Variants in NLRC3 observed in about 807,000 individuals in gnomAD.
The protein encoded by NLRC3 is NLR family CARD domain-containing protein 3.
A neutral mutation model predicts 91.6 loss-of-function variants in NLRC3; 87 were observed. The observed-to-expected ratio is 0.95, with a 90% CI of 0.80 to 1.14. NLRC3 has a LOEUF of 1.14. Ranked by LOEUF, NLRC3 falls within the 50% of genes most tolerant of loss-of-function variation. NLRC3 has a pLI of 0.00. For synonymous variants in NLRC3, 694 were observed against 625.3 expected (o/e 1.11, Z -1.64); for missense variants, 1,577 against 1,418.6 (o/e 1.11, Z -1.79).
At chr16:3,554,910 C>G (rs1348571914) in intron 8 of NLRC3, among the ~76,000 whole-genome samples, 5 of 152,132 alleles carry the variant, frequency 3.3e-5, no homozygotes, top group Non-Finnish European at 7.4e-5. Flanking sequence ...GTCTGTCCAT[C>G]CCGTGGAATA....
intron 15 of NLRC3, among the ~76,000 whole-genome samples, chr16:3,546,835 C>T (rs1011918356): frequency 1.3e-5 from 2 of 152,010 alleles, no homozygotes; most frequent in Admixed American, 1.3e-4. Context: ...AAAAGAGCTC[C>T]AGGAAAAGAG....
chr16:3,551,325 T>TATCCATCCACTCATCCATTC (rs2038986953), intron 10 of NLRC3, among the ~76,000 whole-genome samples: 1 of 128,790 alleles, frequency 7.8e-6, no homozygotes, highest in East Asian at 2.6e-4. Context: ...CTCATCCATT[T>TATCCATCCACTCATCCATTC]ATCCATCCAC....
chr16:3,542,098 T>C lies in NLRC3; in HGVS notation c.3107+93A>G, dbSNP rs76586760. 886 of 955,680 alleles carry C rather than the reference T, an allele frequency of 9.3e-4. 11 individuals carry two copies. In the African/African-American group the frequency reaches 0.01, roughly 11 times the overall value. The allele number at this position is 955,680 out of a possible 1,614,324, so 59.2% of individuals were successfully genotyped here. A position where few individuals can be genotyped will look rare whatever the true frequency, so the allele number is the denominator to read the frequency against. ...GTTTCCCTATAGGCCTGCTGAAGCG[T>C]CTGGGGGTCAGCTGGCTCTCAGAAC... On this transcript the variant is annotated intron_variant, in intron 19 of 19. Transcript: ENST00000359128.
chr16:3,565,017 C>T lies in NLRC3; in HGVS notation c.20G>A (p.Arg7Gln), dbSNP rs377599527. 42 of 1,609,970 alleles carry T rather than the reference C, an allele frequency of 2.6e-5. No homozygotes were observed. Among genetic ancestry groups the T allele is most frequent in the Admixed American group, 1.0e-4 (6 of 59,996 alleles). The change falls in exon 4 of 20, where the codon CGG (arginine) becomes CAG (glutamine). Residue 7 changes from arginine (R) to glutamine (Q), a missense_variant. Arg to Gln is a conservative substitution (Grantham distance 43). Coordinates refer to ENST00000359128, the MANE Select transcript of NLRC3 (RefSeq NM_178844.4). The stretch of plus-strand genomic sequence containing the variant: ...GCCCTGGCCGGCCTCCCTGCCCGTC[C>T]GCACCTCTTGCTTCCTCATGGAGTC... MRKQEV[R>Q]TGREAGQGHG...
chr16:3,570,957 T>C (rs2040077509), intron 1 of NLRC3, among the ~76,000 whole-genome samples: 1 of 152,192 alleles, frequency 6.6e-6, no homozygotes, highest in African/African-American at 2.4e-5. Flanking sequence ...GAATACAGTC[T>C]TCCATTTGTA....
In NLRC3 at chr16:3,563,155, C is replaced by T. The variant is rs199475939; in HGVS notation, c.1782G>A (p.Arg594=). ...EEAMESGALA[R]LTGPAHRAAL... Reference sequence around the variant, plus strand: ...CAGCGCGGTGCGCGGGACCAGTCAGCCTGGCCAGGGCCCCGCTCTCCATGG... The same window carrying T: ...CAGCGCGGTGCGCGGGACCAGTCAGTCTGGCCAGGGCCCCGCTCTCCATGG... Residue 594 remains arginine (R), a synonymous_variant, in exon 5 of 20, where the codon AGG becomes AGA. Transcript: ENST00000359128. 94 of 1,589,988 alleles carry T rather than the reference C, an allele frequency of 5.9e-5. No homozygotes were observed. Among genetic ancestry groups the T allele is most frequent in the Non-Finnish European group, 7.8e-5 (91 of 1,170,440 alleles).
At chr16:3,547,515 AC>A (rs1230106504) in intron 15 of NLRC3, among the ~76,000 whole-genome samples, 1 of 152,110 alleles carries the variant, frequency 6.6e-6, no homozygotes, top group Non-Finnish European at 1.5e-5. Flanking sequence ...TGAATTGTAT[AC>A]TAAGTGGGTG....
At chr16:3,561,034 A>G (rs918482455) in intron 6 of NLRC3, among the ~76,000 whole-genome samples, 2 of 152,136 alleles carry the variant, frequency 1.3e-5, no homozygotes, top group African/African-American at 4.8e-5. Flanking sequence ...AATTAAATTA[A>G]ATTTGAAATT....
chr16:3,567,282 A>T lies in NLRC3; in HGVS notation c.-126T>A, dbSNP rs1232999142. 1 of 151,186 alleles carries T rather than the reference A, an allele frequency of 6.6e-6. No homozygotes were observed. The highest frequency in any genetic ancestry group is 2.0e-4 in the East Asian group (1 of 5,096). 9.4% of individuals were successfully genotyped at this position (151,186 alleles called of 1,614,324 possible). On this transcript the variant is annotated 5_prime_UTR_variant, in exon 2 of 20. Coordinates refer to ENST00000359128, the MANE Select transcript of NLRC3 (RefSeq NM_178844.4). ...ACAGCAGCCCCTCCAGTGGGGCCCC[A>T]GGAACTCAATGGATGGGGCTCAGCC... is the stretch of plus-strand genomic sequence containing the variant.
At chr16:3,550,790 T>A (rs1018956017) in intron 10 of NLRC3, among the ~76,000 whole-genome samples, 1 of 152,180 alleles carries the variant, frequency 6.6e-6, no homozygotes, top group African/African-American at 2.4e-5. Context: ...AGGAAATGTT[T>A]TCTTCTGCCA....
At chr16:3,567,376 G>A (rs2039924057) in intron 1 of NLRC3, 52 bp from the exon 2 acceptor site, 1 of 152,246 alleles carries the variant, frequency 6.6e-6, no homozygotes, top group Non-Finnish European at 1.5e-5. Context: ...CACTGCTGCT[G>A]ATGGCAGCCC....
At chr16:3,574,902 C>G (rs752875831) in intron 1 of NLRC3, among the ~76,000 whole-genome samples, 1 of 152,104 alleles carries the variant, frequency 6.6e-6, no homozygotes, top group Non-Finnish European at 1.5e-5. Context: ...GTGGAGGCTG[C>G]AGTGAGCCAA....
chr16:3,549,874 A>C, intron 11 of NLRC3, 94 bp from the exon 12 acceptor site: 1 of 814,314 alleles, frequency 1.2e-6, no homozygotes, highest in Non-Finnish European at 2.0e-6. Flanking sequence ...TGGGCTCAAC[A>C]GGGAGTTGGG....
In NLRC3 at chr16:3,548,721, G is replaced by A. The variant is rs1187265684; in HGVS notation, c.2636C>T (p.Ala879Val). The A allele has an allele frequency of 6.2e-7, 1 of 1,604,670 alleles. No individual in the cohort carries two copies. The highest frequency in any genetic ancestry group is 1.7e-5 in the Admixed American group (1 of 58,562). The change falls in exon 14 of 20, where the codon GCC (alanine) becomes GTC (valine). Residue 879 changes from alanine to valine, a missense_variant. Coordinates refer to ENST00000359128, the MANE Select transcript of NLRC3 (RefSeq NM_178844.4). ...LTANLLHDQGARAIAVAVREN... is the reference protein window; with the variant it reads ...LTANLLHDQGVRAIAVAVREN... ...TCTCACTGCCACTGCGATGGCCCGG[G>A]CACCCTGGTCGTGGAGGAGGTTGGC...
At position 3,549,147 on chromosome 16, in the gene NLRC3, G is replaced by T. The variant is rs765743124; in HGVS notation, c.2598C>A (p.Asn866Lys). Residue 866 changes from asparagine (N) to lysine (K), a missense_variant, in exon 13 of 20, where the codon AAC becomes AAA. Physicochemically the swap from Asn to Lys is moderately conservative, Grantham distance 94. Transcript: ENST00000359128. ...HALCANSTLK[N>K]LDLTANLLHD... ...CACAGGCCCCCACCACGTACTCCAGGTTCTTCAGGGTGCTGTTGGCGCAGA... is the reference window on the plus strand; with the variant it reads ...CACAGGCCCCCACCACGTACTCCAGTTTCTTCAGGGTGCTGTTGGCGCAGA... The T allele has an allele frequency of 1.1e-4, 177 of 1,574,116 alleles. 1 individual carries two copies. The highest frequency in any genetic ancestry group is 1.4e-4 in the Non-Finnish European group (166 of 1,158,954).
At chr16:3,561,896 CAGCTCTG>C (rs1567141831) in intron 5 of NLRC3, 108 bp from the exon 6 acceptor site, 2 of 772,244 alleles carry the variant, frequency 2.6e-6, no homozygotes, top group East Asian at 5.0e-5. Context: ...GCTATCACCG[CAGCTCTG>C]AGATCTGCGC....
intron 15 of NLRC3, chr16:3,544,592 G>A: frequency 2.3e-6 from 1 of 430,482 alleles, no homozygotes; most frequent in East Asian, 3.8e-5. Context: ...TGTCAGCAGG[G>A]GCTTGGGACC....
chr16:3,562,444 C>T (rs1237790353), intron 5 of NLRC3, among the ~76,000 whole-genome samples: 1 of 152,130 alleles, frequency 6.6e-6, no homozygotes, highest in Non-Finnish European at 1.5e-5. Context: ...AGTTTGAGAG[C>T]AGCCTGGCCA....
intron 15 of NLRC3, chr16:3,544,634 A>G: frequency 2.9e-6 from 1 of 341,816 alleles, no homozygotes. Context: ...GCCAACCAGA[A>G]AATGAACTTA....
Sources: allele counts gnomAD v4.1 joint callset (sites outside exome capture counted in the v4.1 genomes callset), GRCh38; gene constraint gnomAD v4.1.1; transcripts MANE v1.5; gene names NCBI Gene and HGNC (gene_info 2026-07-23, HGNC 2026-07-21).